Variants in UGGT1 observed in about 807,000 individuals in gnomAD.
The protein encoded by UGGT1 is UDP-glucose glycoprotein glucosyltransferase 1.
A neutral mutation model predicts 203.9 loss-of-function variants in UGGT1; 107 were observed. The observed-to-expected ratio is 0.52, with a 90% confidence interval of 0.45 to 0.62. The LOEUF (loss-of-function observed/expected upper bound fraction) is 0.62, where lower values mean the gene tolerates loss of function less well. UGGT1 is among the 20% of genes least tolerant of loss of function. The probability of loss-of-function intolerance (pLI) is 0.00; values close to 1 mark genes in which losing one functional copy is unlikely to be tolerated. For synonymous variants in UGGT1, 628 were observed against 653.5 expected (o/e 0.96, Z 0.59); for missense variants, 1,673 against 1,867.2 (o/e 0.90, Z 1.92).
At chr2:128,177,028 A>G in intron 32 of UGGT1, 130 bp downstream of exon 32, 5 of 780,166 alleles carry the variant, frequency 6.4e-6, no homozygotes, top group Non-Finnish European at 1.0e-5. Context: ...TTTAAGGCAA[A>G]ATGTCTTTGT....
chr2:128,121,355 C>A, intron 10 of UGGT1, 57 bp downstream of exon 10: 1 of 1,222,130 alleles, frequency 8.2e-7, no homozygotes, highest in Non-Finnish European at 1.1e-6. Flanking sequence ...GTCATGTTCA[C>A]TTGCCAAATG....
At chr2:128,122,790 T>G (rs1270225376) in intron 10 of UGGT1, among the ~76,000 whole-genome samples, 2 of 152,228 alleles carry the variant, frequency 1.3e-5, no homozygotes, top group Admixed American at 1.3e-4. Flanking sequence ...TTAGTCCAGC[T>G]GCTACTTGAA....
intron 2 of UGGT1, among the ~76,000 whole-genome samples, chr2:128,098,017 A>G (rs780446307): frequency 6.6e-6 from 1 of 152,010 alleles, no homozygotes; most frequent in Non-Finnish European, 1.5e-5. Context: ...GTGCCCCACC[A>G]CACCCTGCTA....
rs146104685 is a variant in UGGT1 at position 128,129,136 on chromosome 2, C to A, written c.1334C>A (p.Ser445Tyr). ...GTTTTGAAGCTGAACATCCAGCCCT[C>A]TGAGGCAGACTATGCCGTAGACATC... ...HNVLKLNIQP[S>Y]EADYAVDIRS... The change falls in exon 13 of 41, where the codon TCT (serine) becomes TAT (tyrosine). Residue 445 changes from serine (S) to tyrosine (Y), a missense_variant. By Grantham distance (144) the Ser-to-Tyr change is moderately radical. Coordinates refer to ENST00000259253, the MANE Select transcript of UGGT1 (RefSeq NM_020120.4). 6.8e-6 allele frequency: 11 copies of A among 1,613,870 alleles called. No individual in the cohort carries two copies. The African/African-American group carries it at 1.3e-4, about 20-fold the overall frequency.
intron 8 of UGGT1, among the ~76,000 whole-genome samples, chr2:128,118,498 C>T (rs1688233869): frequency 6.6e-6 from 1 of 151,984 alleles, no homozygotes; most frequent in Non-Finnish European, 1.5e-5. Context: ...ACTTTGGGTT[C>T]AAGTGATTGT....
chr2:128,191,398 A>C lies in UGGT1; in HGVS notation c.*1656A>C, dbSNP rs1180001224. 1 of 152,200 alleles carries C rather than the reference A, an allele frequency of 6.6e-6. No homozygotes were observed. The highest frequency in any genetic ancestry group is 1.5e-5 in the Non-Finnish European group (1 of 68,046). The allele number at this position is 152,200 out of a possible 1,614,324, so 9.4% of individuals were successfully genotyped here. On this transcript the variant is annotated 3_prime_UTR_variant, in exon 41 of 41. Transcript: ENST00000259253. Reference sequence around the variant, plus strand: ...ATTGAGGAGGGGATTAATGAGTACAATGAAAACAAAACAAAACAAAAAATT... The same window carrying C: ...ATTGAGGAGGGGATTAATGAGTACACTGAAAACAAAACAAAACAAAAAATT...
intron 4 of UGGT1, 107 bp from the exon 5 acceptor site, chr2:128,109,527 C>T: frequency 1.1e-6 from 1 of 937,224 alleles, no homozygotes; most frequent in African/African-American, 1.6e-5. Flanking sequence ...CAGCCAGTTT[C>T]AACAATGTTG....
intron 12 of UGGT1, 74 bp downstream of exon 12, chr2:128,127,526 T>C: frequency 8.6e-7 from 1 of 1,159,638 alleles, no homozygotes; most frequent in South Asian, 1.3e-5. Flanking sequence ...CATATTGCCG[T>C]TCCTTCTTGA....
At chr2:128,166,749 G>GTA (rs1304545446) in intron 26 of UGGT1, among the ~76,000 whole-genome samples, 2 of 152,326 alleles carry the variant, frequency 1.3e-5, no homozygotes, top group South Asian at 2.1e-4. Flanking sequence ...GCGCAGTAAT[G>GTA]TATATAGCCT....
intron 19 of UGGT1, among the ~76,000 whole-genome samples, chr2:128,153,322 C>T (rs1281873677): frequency 2.0e-5 from 3 of 152,088 alleles, no homozygotes; most frequent in Non-Finnish European, 4.4e-5. Flanking sequence ...CTTAGGAAGG[C>T]CTTTAGCAGC....
chr2:128,108,177 C>T (rs1268758014), intron 4 of UGGT1, 109 bp downstream of exon 4: 30 of 1,312,700 alleles, frequency 2.3e-5, no homozygotes, highest in Middle Eastern at 1.9e-4. Context: ...ACTTTTTTGC[C>T]TGAAATTTTC....
At chr2:128,156,598 C>T (rs1315697527) in intron 21 of UGGT1, among the ~76,000 whole-genome samples, 183 bp downstream of exon 21, 4 of 147,066 alleles carry the variant, frequency 2.7e-5, no homozygotes, top group Non-Finnish European at 5.9e-5. Context: ...CATTCTGTCA[C>T]CCAGGCTGGA....
intron 27 of UGGT1, among the ~76,000 whole-genome samples, 178 bp from the exon 28 acceptor site, chr2:128,171,027 C>G (rs1691069322): frequency 6.6e-6 from 1 of 152,120 alleles, no homozygotes; most frequent in African/African-American, 2.4e-5. Context: ...TTGGCCACGT[C>G]CTATGTATGT....
At chr2:128,129,691 G>T (rs533978829) in intron 13 of UGGT1, among the ~76,000 whole-genome samples, 1 of 152,058 alleles carries the variant, frequency 6.6e-6, no homozygotes, top group Non-Finnish European at 1.5e-5. Context: ...GAACCAGTGC[G>T]CCTGGCCAAG....
Position 128,190,076 on chromosome 2 carries a change from G to A in UGGT1, c.*334G>A, listed in dbSNP as rs567135924. ...CCACACCCAAGAGCACACACATGCT[G>A]CACTGTCTCGGAAAGCAGGGCCAGC... On this transcript the variant is annotated 3_prime_UTR_variant, in exon 41 of 41. Coordinates refer to ENST00000259253, the MANE Select transcript of UGGT1 (RefSeq NM_020120.4). 1.8e-5 allele frequency: 4 copies of A among 227,436 alleles called. No homozygotes were observed. Among genetic ancestry groups the A allele is most frequent in the East Asian group, 1.8e-4 (2 of 11,216 alleles). 14.1% of individuals were successfully genotyped at this position (227,436 alleles called of 1,614,324 possible). A position where few individuals can be genotyped will look rare whatever the true frequency, so the allele number is the denominator to read the frequency against.
chr2:128,125,888 C>G (rs1002778523), intron 11 of UGGT1, among the ~76,000 whole-genome samples: 39 of 151,094 alleles, frequency 2.6e-4, no homozygotes, highest in African/African-American at 9.0e-4. Flanking sequence ...ATTGCTGTTT[C>G]ATGGAGTCTT....
intron 13 of UGGT1, among the ~76,000 whole-genome samples, chr2:128,132,181 T>G (rs1370764174): frequency 3.9e-5 from 6 of 152,130 alleles, no homozygotes; most frequent in African/African-American, 1.4e-4. Flanking sequence ...CCCATTTGGG[T>G]TTCCGCTGTT....
chr2:128,142,310 G>A (rs185649226), intron 16 of UGGT1, among the ~76,000 whole-genome samples: 272 of 151,994 alleles, frequency 1.8e-3, no homozygotes, highest in Middle Eastern at 0.017. Flanking sequence ...TTCCGGCCAG[G>A]TGTGGTGGCT....
intron 30 of UGGT1, among the ~76,000 whole-genome samples, 188 bp from the exon 31 acceptor site, chr2:128,174,585 G>A (rs1370584988): frequency 2.0e-5 from 3 of 152,192 alleles, no homozygotes; most frequent in Non-Finnish European, 4.4e-5. Context: ...ACAGGCGTGA[G>A]CCACCGCACC....
Sources: allele counts gnomAD v4.1 joint callset (sites outside exome capture counted in the v4.1 genomes callset), GRCh38; gene constraint gnomAD v4.1.1; transcripts MANE v1.5; gene names NCBI Gene and HGNC (gene_info 2026-07-23, HGNC 2026-07-21).